Variants in RARB observed in about 807,000 individuals in gnomAD.
RARB encodes the protein retinoic acid receptor beta.
RARB carries 17 observed loss-of-function variants against 51.9 expected under a neutral mutation model. That is an observed-to-expected ratio of 0.33 (90% CI 0.22 to 0.49). The LOEUF (loss-of-function observed/expected upper bound fraction) is 0.49, where lower values mean the gene tolerates loss of function less well. Ranked by LOEUF, RARB falls within the 20% of genes least tolerant of loss-of-function variation. The pLI is 0.99. For missense variants in RARB, 369 were observed against 550.8 expected (o/e 0.67, Z 3.30); for synonymous variants, 215 against 195.4 (o/e 1.10, Z -0.84).
chr3:25,494,281 G>GCACACA (rs1357425880), intron 2 of RARB, among the ~76,000 whole-genome samples: 2 of 51,604 alleles, frequency 3.9e-5, no homozygotes, highest in Non-Finnish European at 6.5e-5. Context: ...ACACACACAT[G>GCACACA]CCATCATTTA....
At chr3:25,421,151 A>C (rs1707847396) in intron 5 of RARB, among the ~76,000 whole-genome samples, 1 of 152,130 alleles carries the variant, frequency 6.6e-6, no homozygotes, top group Non-Finnish European at 1.5e-5. Context: ...TAGTATATAT[A>C]AATATAAAAA....
intron 5 of RARB, among the ~76,000 whole-genome samples, chr3:25,582,622 C>T (rs1338969928): frequency 6.6e-6 from 1 of 152,032 alleles, no homozygotes; most frequent in Non-Finnish European, 1.5e-5. Flanking sequence ...GATCAGGGTG[C>T]AGTCTCCACA....
intron 2 of RARB, among the ~76,000 whole-genome samples, chr3:24,888,988 T>A (rs911308624): frequency 1.3e-5 from 2 of 152,192 alleles, no homozygotes; most frequent in African/African-American, 2.4e-5. Flanking sequence ...TTGATGATAA[T>A]GTGAATTTCC....
At chr3:24,883,356 TTGTGTGTGTGTGTGTGTG>T (rs3057218) in intron 2 of RARB, among the ~76,000 whole-genome samples, 5 of 143,670 alleles carry the variant, frequency 3.5e-5, no homozygotes, top group African/African-American at 7.6e-5. Context: ...TCAACAATCA[TTGTGTGTGTGTGTGTGTG>T]TGTGTGTGTG....
chr3:24,845,984 C>T (rs962070821), intron 1 of RARB, among the ~76,000 whole-genome samples: 2 of 152,166 alleles, frequency 1.3e-5, no homozygotes, highest in Non-Finnish European at 2.9e-5. Context: ...AGGCAGAGTG[C>T]TTATTATTAT....
At chr3:24,914,444 C>T (rs1695064703) in intron 2 of RARB, among the ~76,000 whole-genome samples, 2 of 152,026 alleles carry the variant, frequency 1.3e-5, no homozygotes, top group Non-Finnish European at 2.9e-5. Flanking sequence ...AGAGGTAATT[C>T]AACCTTCCGG....
chr3:24,913,214 G>T (rs1463244865), intron 2 of RARB, among the ~76,000 whole-genome samples: 3 of 151,376 alleles, frequency 2.0e-5, no homozygotes, highest in Non-Finnish European at 4.4e-5. Context: ...TCGATCTCCT[G>T]ACCTCCTGAT....
chr3:24,918,145 T>A (rs1191479539), intron 2 of RARB, among the ~76,000 whole-genome samples: 1 of 151,996 alleles, frequency 6.6e-6, no homozygotes, highest in African/African-American at 2.4e-5. Flanking sequence ...ATGCAAACAA[T>A]CCAAATGTTC....
At chr3:25,109,143 G>A (rs1215245359) in intron 3 of RARB, among the ~76,000 whole-genome samples, 1 of 152,144 alleles carries the variant, frequency 6.6e-6, no homozygotes, top group African/African-American at 2.4e-5. Flanking sequence ...TTCAGTGTTT[G>A]CCAAATGATA....
intron 5 of RARB, among the ~76,000 whole-genome samples, chr3:25,192,611 G>A (rs1267958182): frequency 6.6e-6 from 1 of 152,016 alleles, no homozygotes; most frequent in Admixed American, 6.6e-5. Flanking sequence ...CAGGCATTTG[G>A]AATTATTTAA....
chr3:24,872,920 AC>A (rs1702974553), intron 2 of RARB, among the ~76,000 whole-genome samples: 2 of 152,194 alleles, frequency 1.3e-5, no homozygotes, highest in African/African-American at 4.8e-5. Context: ...CTGTTTTCAC[AC>A]CAGTTATTTT....
rs530697245 is a variant in RARB at position 24,867,558 on chromosome 3, G to A, written c.-380+8806G>A. Among the ~76,000 whole-genome samples the A allele has an allele frequency of 6.6e-5, 10 of 152,214 alleles. No individual in the cohort carries two copies. In the East Asian group the frequency reaches 1.7e-3, roughly 27 times the overall value. ...CAGAAACCCTTGCTGCCTAGCACCT[G>A]GACACCTTAAAGCCCAGTGGAAATT... On this transcript the variant is annotated intron_variant, in intron 2 of 11. Transcript: ENST00000383772.
intron 5 of RARB, among the ~76,000 whole-genome samples, chr3:25,584,838 G>T (rs910077114): frequency 1.4e-4 from 21 of 152,112 alleles, no homozygotes; most frequent in African/African-American, 5.1e-4. Context: ...CACTTACCTC[G>T]TGGATGTGAG....
intron 5 of RARB, among the ~76,000 whole-genome samples, chr3:25,389,607 C>T (rs1001167613): frequency 1.3e-5 from 2 of 152,132 alleles, no homozygotes; most frequent in Non-Finnish European, 1.5e-5. Context: ...GCGCAGAGAA[C>T]TGGGTGTTGG....
In RARB at chr3:25,520,940, C is replaced by T. The variant is rs991753630; in HGVS notation, c.448+19617C>T. On this transcript the variant is annotated intron_variant, in intron 3 of 7. Coordinates refer to ENST00000330688, the MANE Select transcript of RARB (RefSeq NM_000965.5). The stretch of plus-strand genomic sequence containing the variant: ...ACAGTAACTGCCTCTGTTTTGTCAG[C>T]TGTAGCACAAAAGTCCTCATTCCTA... Among the ~76,000 whole-genome samples the T allele has an allele frequency of 1.6e-3, 241 of 152,294 alleles. 1 individual carries two copies. The highest frequency in any genetic ancestry group is 1.3e-4 in the Non-Finnish European group (9 of 68,024).
At chr3:25,127,844 A>C (rs549861045) in intron 3 of RARB, among the ~76,000 whole-genome samples, 47 of 152,210 alleles carry the variant, frequency 3.1e-4, no homozygotes, top group African/African-American at 1.1e-3. Context: ...ATATATATAC[A>C]TATATTTTTA....
At chr3:24,897,286 A>T (rs1218260385) in intron 2 of RARB, among the ~76,000 whole-genome samples, 2 of 152,186 alleles carry the variant, frequency 1.3e-5, no homozygotes, top group Admixed American at 6.5e-5. Context: ...TAAAATAAAT[A>T]TAAGGAGTAA....
intron 5 of RARB, among the ~76,000 whole-genome samples, chr3:25,378,901 A>G (rs182162569): frequency 7.0e-4 from 107 of 152,360 alleles, no homozygotes; most frequent in Admixed American, 1.6e-3. Context: ...TGCACATAAT[A>G]TCAGACAAAA....
chr3:25,226,279 A>G (rs1318839215), intron 5 of RARB, among the ~76,000 whole-genome samples: 1 of 152,190 alleles, frequency 6.6e-6, no homozygotes, highest in Non-Finnish European at 1.5e-5. Context: ...TTTAGTAGGT[A>G]TTACAAGAGC....
Sources: allele counts gnomAD v4.1 joint callset (sites outside exome capture counted in the v4.1 genomes callset), GRCh38; gene constraint gnomAD v4.1.1; transcripts MANE v1.5; gene names NCBI Gene and HGNC (gene_info 2026-07-23, HGNC 2026-07-21).